RFX6: variants seen among roughly 807,000 people sequenced by gnomAD.
RFX6 encodes DNA-binding protein RFX6.
RFX6 carries 50 observed loss-of-function variants against 110.8 expected under a neutral mutation model. The observed-to-expected ratio is 0.45, with a 90% CI of 0.36 to 0.57. RFX6 has a LOEUF of 0.57. Ranked by LOEUF, RFX6 falls within the 20% of genes least tolerant of loss-of-function variation. The pLI, the probability that RFX6 is intolerant of heterozygous loss-of-function variation, is 0.00. For synonymous variants in RFX6, 383 were observed against 411.2 expected (o/e 0.93, Z 0.83); for missense variants, 990 against 1,127.0 (o/e 0.88, Z 1.74).
In RFX6 at chr6:116,924,133, A is replaced by G. The variant is rs1169879289; in HGVS notation, c.1556-536A>G. On this transcript the variant is annotated intron_variant, in intron 14 of 18. Transcript: ENST00000332958. The stretch of plus-strand genomic sequence containing the variant: ...GTTGGAAAATCTATTGAATAGTTAA[A>G]AGAAGTTTTAGTTTTCCAGAACATA... Among the ~76,000 whole-genome samples the G allele has an allele frequency of 3.9e-5, 6 of 152,306 alleles. No homozygotes were observed. In the East Asian group the frequency reaches 1.2e-3, roughly 29 times the overall value.
Position 116,919,164 on chromosome 6 carries a change from T to TA in RFX6, c.1055dup (p.Asn352LysfsTer19). On this transcript the variant is annotated frameshift_variant, in exon 11 of 19. Coordinates refer to ENST00000332958, the MANE Select transcript of RFX6 (RefSeq NM_173560.4). LOFTEE classifies it high-confidence loss of function. ...TATTAGCAGACATAAGAAATTTTGC[T>TA]AAAAATTGGGAACAGTGGGTTGTTT... 1 of 1,613,620 alleles carries TA rather than the reference T, an allele frequency of 6.2e-7. No homozygotes were observed. The highest frequency in any genetic ancestry group is 1.1e-5 in the South Asian group (1 of 91,080).
intron 4 of RFX6, among the ~76,000 whole-genome samples, chr6:116,882,860 T>G (rs766442560): frequency 6.6e-4 from 101 of 152,104 alleles, no homozygotes; most frequent in Non-Finnish European, 1.2e-3. Context: ...TCTCTTCTCT[T>G]TAAGACAAAT....
intron 7 of RFX6, among the ~76,000 whole-genome samples, chr6:116,915,303 A>G (rs977583982): frequency 1.3e-5 from 2 of 152,186 alleles, no homozygotes; most frequent in Non-Finnish European, 2.9e-5. Flanking sequence ...GCATCATTTG[A>G]TATTATTACT....
chr6:116,919,190 C>T lies in RFX6; in HGVS notation c.1076C>T (p.Ser359Leu), dbSNP rs1460911503. 1.9e-6 allele frequency: 3 copies of T among 1,613,602 alleles called. No individual in the cohort carries two copies. Among genetic ancestry groups the T allele is most frequent in the South Asian group, 2.2e-5 (2 of 91,070 alleles). The part of the protein sequence containing the change: ...FAKNWEQWVV[S>L]SLENLPEALT... ...AAAAATTGGGAACAGTGGGTTGTTT[C>T]ATCCTTGGAAAACTTGCCAGAAGCT... The change falls in exon 11 of 19, where the codon TCA becomes TTA. Residue 359 changes from serine to leucine, a missense_variant. Around this residue, in one of 5 missense-constraint regions of RFX6, gnomAD observed 243 missense variants for 353.1 expected, o/e 0.69. Coordinates refer to ENST00000332958, the MANE Select transcript of RFX6 (RefSeq NM_173560.4).
chr6:116,883,891 A>C (rs907935181), intron 4 of RFX6, among the ~76,000 whole-genome samples: 2 of 152,172 alleles, frequency 1.3e-5, no homozygotes, highest in Non-Finnish European at 2.9e-5. Flanking sequence ...ATTCAATCAT[A>C]TCTCTTCCAT....
chr6:116,918,005 G>A (rs1470130942), intron 9 of RFX6, 32 bp from the exon 10 acceptor site: 1 of 1,503,396 alleles, frequency 6.7e-7, no homozygotes, highest in Admixed American at 1.7e-5. Flanking sequence ...ACTAAGTAAA[G>A]ATTTGTATTA....
intron 7 of RFX6, among the ~76,000 whole-genome samples, chr6:116,915,327 G>A (rs924888995): frequency 6.6e-6 from 1 of 152,102 alleles, no homozygotes; most frequent in Non-Finnish European, 1.5e-5. Flanking sequence ...TCTGGATAAT[G>A]TTTAGTAAGG....
rs746133716 is a variant in RFX6 at position 116,880,631 on chromosome 6, G to T, written c.468G>T (p.Glu156Asp). 3 of 1,613,562 alleles carry T rather than the reference G, an allele frequency of 1.9e-6. No individual in the cohort carries two copies. In the African/African-American group the frequency reaches 4.0e-5, roughly 22 times the overall value. Residue 156 changes from glutamate to aspartate, a missense_variant, in exon 3 of 19, where the codon GAG becomes GAT. By Grantham distance (45) the Glu-to-Asp change is conservative (BLOSUM62 2). Around this residue, in one of 5 missense-constraint regions of RFX6, gnomAD observed 243 missense variants for 353.1 expected, o/e 0.69. Transcript: ENST00000332958. ...ACTACTTAGATTTCTGTAGGAAAGA[G>T]AAATTAGAGCCAGCCTGTGCGGCCA... ...YAHYLDFCRK[E>D]KLEPACAATF...
intron 18 of RFX6, among the ~76,000 whole-genome samples, 174 bp downstream of exon 18, chr6:116,929,145 G>GT (rs1469322005): frequency 9.2e-5 from 14 of 152,096 alleles, no homozygotes; most frequent in Non-Finnish European, 1.6e-4. Context: ...GTTAGTAACA[G>GT]TTTTTCATTT....
At chr6:116,915,267 A>G in intron 7 of RFX6, among the ~76,000 whole-genome samples, 1 of 152,152 alleles carries the variant, frequency 6.6e-6, no homozygotes. Context: ...TAGACATTCA[A>G]TGTTTGAAAC....
chr6:116,896,957 C>T (rs1041390181), intron 6 of RFX6, among the ~76,000 whole-genome samples: 4 of 152,062 alleles, frequency 2.6e-5, no homozygotes, highest in Admixed American at 2.6e-4. Flanking sequence ...ATTACAGGTA[C>T]TAGGAGACAA....
chr6:116,880,678 C>G lies in RFX6; in HGVS notation c.504+11C>G. 1 of 1,612,974 alleles carries G rather than the reference C, an allele frequency of 6.2e-7. No individual in the cohort carries two copies. Among genetic ancestry groups the G allele is most frequent in the Non-Finnish European group, 8.5e-7 (1 of 1,179,138 alleles). On this transcript the variant is annotated intron_variant, in intron 3 of 18. Coordinates refer to ENST00000332958, the MANE Select transcript of RFX6 (RefSeq NM_173560.4). ...GCCACCTTTGGAAAGGTAAATGACA[C>G]GTATTGGCTATAGTGACTTATAACT... is the stretch of plus-strand genomic sequence containing the variant.
At chr6:116,925,423 C>T in intron 15 of RFX6, 30 bp from the exon 16 acceptor site, 1 of 1,579,524 alleles carries the variant, frequency 6.3e-7, no homozygotes, top group African/African-American at 1.3e-5. Flanking sequence ...GAAAAAATCT[C>T]AAATTTCCCA....
chr6:116,927,041 TCA>T lies in RFX6; in HGVS notation c.1903_1904del (p.Gln635AspfsTer22). The T allele has an allele frequency of 6.2e-7, 1 of 1,614,082 alleles. No homozygotes were observed. The highest frequency in any genetic ancestry group is 8.5e-7 in the Non-Finnish European group (1 of 1,179,928). Reference protein sequence around the residue: ...NMPLTGQMELSQIAGHLMTPP... With the variant: ...NMPLTGQMELXQIAGHLMTPP... ...ATTTTTTCCAGGTCAAATGGAGCTT[TCA>T]CAGATTGCTGGTCATCTGATGACAC... On this transcript the variant is annotated frameshift_variant, in exon 17 of 19. Coordinates refer to ENST00000332958, the MANE Select transcript of RFX6 (RefSeq NM_173560.4).
Position 116,919,191 on chromosome 6 carries a change from A to G in RFX6, c.1077A>G (p.Ser359=). ...FAKNWEQWVV[S]SLENLPEALT... The stretch of plus-strand genomic sequence containing the variant: ...AAAATTGGGAACAGTGGGTTGTTTC[A>G]TCCTTGGAAAACTTGCCAGAAGCTC... Residue 359 remains serine (S), a synonymous_variant, in exon 11 of 19, where the codon TCA becomes TCG. Transcript: ENST00000332958. 3 of 1,613,666 alleles carry G rather than the reference A, an allele frequency of 1.9e-6. No individual in the cohort carries two copies.
chr6:116,890,481 A>C (rs979005755), intron 4 of RFX6, among the ~76,000 whole-genome samples: 1 of 152,046 alleles, frequency 6.6e-6, no homozygotes, highest in African/African-American at 2.4e-5. Flanking sequence ...CTCTCTTTCA[A>C]TCCTCAGCAC....
intron 4 of RFX6, 64 bp from the exon 5 acceptor site, chr6:116,893,923 G>T (rs1774883494): frequency 4.4e-6 from 4 of 909,694 alleles, no homozygotes; most frequent in Non-Finnish European, 7.4e-6. Context: ...TTATACCTTA[G>T]TCTCTTTTTC....
At position 116,895,219 on chromosome 6, in the gene RFX6, T is replaced by G. The variant is rs1261277605; in HGVS notation, c.672+12T>G. 1 of 1,406,562 alleles carries G rather than the reference T, an allele frequency of 7.1e-7. No individual in the cohort carries two copies. Among genetic ancestry groups the G allele is most frequent in the African/African-American group, 1.4e-5 (1 of 70,786 alleles). The allele number at this position is 1,406,562 out of a possible 1,614,324, so 87.1% of individuals were successfully genotyped here. ...AGCTAAAGAATGAGGTAAGAATTAT[T>G]TTCATCTCTATTTTACATCTGCTAT... On this transcript the variant is annotated intron_variant, in intron 6 of 18. Transcript: ENST00000332958.
Position 116,927,019 on chromosome 6 carries a change from T to C in RFX6, c.1886-8T>C, listed in dbSNP as rs780539701. 2 of 1,613,052 alleles carry C rather than the reference T, an allele frequency of 1.2e-6. No homozygotes were observed. The highest frequency in any genetic ancestry group is 3.3e-5 in the Admixed American group (2 of 60,014). On this transcript the variant is annotated splice_region_variant and splice_polypyrimidine_tract_variant and intron_variant, in intron 16 of 18. Coordinates refer to ENST00000332958, the MANE Select transcript of RFX6 (RefSeq NM_173560.4). ...ACACTAAAGGAATGTTCTGGTGATT[T>C]TTTCCAGGTCAAATGGAGCTTTCAC...
Sources: allele counts gnomAD v4.1 joint callset (sites outside exome capture counted in the v4.1 genomes callset), GRCh38; gene constraint gnomAD v4.1.1; regional missense constraint gnomAD v4.1.1; transcripts MANE v1.5; gene names NCBI Gene and HGNC (gene_info 2026-07-23, HGNC 2026-07-21).